CRYZL1: variants seen among roughly 807,000 people sequenced by gnomAD.
The protein encoded by CRYZL1 is crystallin zeta like 1, also known as ferry endosomal RAB5 effector complex subunit 4.
A neutral mutation model predicts 50.6 loss-of-function variants in CRYZL1; 34 were observed. The ratio of observed to expected loss-of-function variants is 0.67; its 90% CI spans 0.51 to 0.89. CRYZL1 has a LOEUF of 0.89. Ranked by LOEUF, CRYZL1 falls within the 40% of genes least tolerant of loss-of-function variation. The pLI, the probability that CRYZL1 is intolerant of heterozygous loss-of-function variation, is 0.00. For synonymous variants in CRYZL1, 125 were observed against 134.3 expected, an observed-to-expected ratio of 0.93 and a Z score of 0.48; for missense variants, 354 against 402.3, an observed-to-expected ratio of 0.88 and a Z score of 1.03.
chr21:33,630,583 C>T (rs1027502036), intron 2 of CRYZL1, among the ~76,000 whole-genome samples: 31 of 148,194 alleles, frequency 2.1e-4, no homozygotes, highest in African/African-American at 7.0e-4. Flanking sequence ...GAGACTCTGT[C>T]GCAATTAAAA....
chr21:33,591,598 C>T (rs147907626), intron 11 of CRYZL1: 166 of 202,876 alleles, frequency 8.2e-4, no homozygotes, highest in Middle Eastern at 4.0e-3. Context: ...GATGTACATT[C>T]GTTGACCAGG....
Position 33,605,565 on chromosome 21 carries a change from A to G in CRYZL1, c.332-2028T>C, listed in dbSNP as rs530969229. 5.5e-3 allele frequency among the ~76,000 whole-genome samples: 274 copies of G among 49,630 alleles called. 1 individual carries two copies. The highest frequency in any genetic ancestry group is 0.024 in the African/African-American group (267 of 11,054). 32.6% of individuals were successfully genotyped at this position (49,630 alleles called of 152,430 possible). On this transcript the variant is annotated intron_variant, in intron 6 of 12. Transcript: ENST00000381554. Reference sequence around the variant, plus strand: ...TGAGATGGAGTCTCACTCTGTCGCCAGGCTGGAGTGCAGTGGTGTGATCTT... The same window carrying G: ...TGAGATGGAGTCTCACTCTGTCGCCGGGCTGGAGTGCAGTGGTGTGATCTT...
At chr21:33,621,238 A>G (rs1485681887) in intron 4 of CRYZL1, among the ~76,000 whole-genome samples, 2 of 150,828 alleles carry the variant, frequency 1.3e-5, no homozygotes, top group African/African-American at 4.9e-5. Context: ...CCTGGGCCAT[A>G]CTGGAAGAGA....
chr21:33,628,043 C>A (rs2087090041), intron 2 of CRYZL1, among the ~76,000 whole-genome samples: 1 of 152,160 alleles, frequency 6.6e-6, no homozygotes, highest in Admixed American at 6.5e-5. Context: ...CCGCACCTGG[C>A]CGAGACAAGG....
intron 11 of CRYZL1, chr21:33,595,505 A>G: frequency 7.8e-7 from 1 of 1,286,158 alleles, no homozygotes; most frequent in South Asian, 1.3e-5. Context: ...CTGTATCAAC[A>G]TCTCTGTGCT....
At chr21:33,596,498 C>T (rs1443934376) in intron 10 of CRYZL1, among the ~76,000 whole-genome samples, 1 of 151,858 alleles carries the variant, frequency 6.6e-6, no homozygotes, top group Non-Finnish European at 1.5e-5. Flanking sequence ...ATTAACTGGG[C>T]GTGGTGGCGG....
intron 2 of CRYZL1, among the ~76,000 whole-genome samples, chr21:33,625,485 T>C: frequency 6.6e-6 from 1 of 151,640 alleles, no homozygotes; most frequent in East Asian, 1.9e-4. Context: ...ATTTCCTTTT[T>C]TTGTTGGTTT....
At chr21:33,613,474 T>C (rs2086894411) in intron 6 of CRYZL1, 64 bp downstream of exon 6, 1 of 1,070,108 alleles carries the variant, frequency 9.3e-7, no homozygotes, top group East Asian at 2.4e-5. Context: ...ATTAAAATGT[T>C]ATTAAACCAT....
chr21:33,605,426 C>T (rs1400373280), intron 6 of CRYZL1, among the ~76,000 whole-genome samples: 2 of 151,972 alleles, frequency 1.3e-5, no homozygotes, highest in Non-Finnish European at 2.9e-5. Flanking sequence ...TAAAAAGTTC[C>T]GCATGATCTG....
intron 8 of CRYZL1, among the ~76,000 whole-genome samples, chr21:33,600,387 T>C (rs1417045441): frequency 6.6e-6 from 1 of 152,180 alleles, no homozygotes; most frequent in Non-Finnish European, 1.5e-5. Context: ...TCTCAGAATT[T>C]TGAACTGGCA....
Position 33,589,897 on chromosome 21 carries a change from T to C in CRYZL1, c.975A>G (p.Pro325=). ...VFRPQLDEPI[P]LYEAKVSMEA... Reference sequence around the variant, plus strand: ...CCATGGAAACTTTTGCCTCATACAGTGGAATGGGTTCATCCAACTGAGGTC... The same window carrying C: ...CCATGGAAACTTTTGCCTCATACAGCGGAATGGGTTCATCCAACTGAGGTC... Residue 325 remains proline, a synonymous_variant, in exon 13 of 13, where the codon CCA becomes CCG. Transcript: ENST00000381554. 3 of 1,606,738 alleles carry C rather than the reference T, an allele frequency of 1.9e-6. No individual in the cohort carries two copies. The highest frequency in any genetic ancestry group is 3.4e-5 in the Admixed American group (2 of 58,482).
rs138229383 is a variant in CRYZL1 at position 33,602,270 on chromosome 21, C to T, written c.541G>A (p.Asp181Asn). 4.3e-6 allele frequency: 7 copies of T among 1,611,362 alleles called. No individual in the cohort carries two copies. The highest frequency in any genetic ancestry group is 1.3e-5 in the African/African-American group (1 of 74,882). Residue 181 changes from aspartate to asparagine, a missense_variant, in exon 8 of 13, where the codon GAT (aspartate) becomes AAT (asparagine). Coordinates refer to ENST00000381554, the MANE Select transcript of CRYZL1 (RefSeq NM_145858.3). Reference protein sequence around the residue: ...KVISTACSLEDKQCLERFRPP... With the variant: ...KVISTACSLENKQCLERFRPP... ...CTGAATCTTTCAAGGCACTGCTTAT[C>T]TTCAAGGCTGCATGCTGTTGAAATC...
chr21:33,601,873 G>T (rs933366132), intron 8 of CRYZL1, among the ~76,000 whole-genome samples: 24 of 149,058 alleles, frequency 1.6e-4, no homozygotes, highest in African/African-American at 6.0e-4. Flanking sequence ...AGCCACGATT[G>T]TGCCATTGTA....
At chr21:33,603,267 CA>C (rs1246518431) in intron 7 of CRYZL1, 136 bp downstream of exon 7, 1 of 1,030,264 alleles carries the variant, frequency 9.7e-7, no homozygotes, top group Non-Finnish European at 1.4e-6. Context: ...CTTATTATAA[CA>C]AAATAGGACA....
chr21:33,628,899 T>C (rs2087102284), intron 2 of CRYZL1, among the ~76,000 whole-genome samples: 1 of 151,868 alleles, frequency 6.6e-6, no homozygotes, highest in Non-Finnish European at 1.5e-5. Context: ...ACCTGGCCTT[T>C]TAATTTCTTT....
At chr21:33,595,706 CTCAA>C (rs777958889) in intron 11 of CRYZL1, 21 bp downstream of exon 11, 20 of 1,611,796 alleles carry the variant, frequency 1.2e-5, no homozygotes, top group Admixed American at 1.7e-5. Context: ...AAGCCAGAAA[CTCAA>C]TCAGTCGATA....
rs55867571 is a variant in CRYZL1 at position 33,618,232 on chromosome 21, T to C, written c.218-1482A>G. ...TGAACCTGGGAGGCGGAGCTTGCAG[T>C]GAGCCAAGACTGCGCCACTGCACTC... is the stretch of plus-strand genomic sequence containing the variant. On this transcript the variant is annotated intron_variant, in intron 4 of 12. Coordinates refer to ENST00000381554, the MANE Select transcript of CRYZL1 (RefSeq NM_145858.3). 7.8e-3 allele frequency among the ~76,000 whole-genome samples: 1,051 copies of C among 134,698 alleles called. 9 individuals carry two copies. The highest frequency in any genetic ancestry group is 9.9e-3 in the Non-Finnish European group (657 of 66,180). 88.4% of individuals were successfully genotyped at this position (134,698 alleles called of 152,430 possible).
At chr21:33,607,280 G>C (rs1485471767) in intron 6 of CRYZL1, among the ~76,000 whole-genome samples, 1 of 152,178 alleles carries the variant, frequency 6.6e-6, no homozygotes, top group African/African-American at 2.4e-5. Context: ...TTGAAACATA[G>C]CTCTTTGGTT....
chr21:33,615,152 CTCTTT>C lies in CRYZL1; in HGVS notation c.262+1549_263-1547del, dbSNP rs1213689376. Among the ~76,000 whole-genome samples, 318 of 120,882 alleles carry C rather than the reference CTCTTT, an allele frequency of 2.6e-3. 1 individual carries two copies. Among genetic ancestry groups the C allele is most frequent in the African/African-American group, 8.5e-3 (281 of 33,206 alleles). 79.3% of individuals were successfully genotyped at this position (120,882 alleles called of 152,430 possible). ...AATATTTTTTCTTTCTTTTCTTTCT[CTCTTT>C]TTTTTTTTTTTTTTTGGACAAGGTC... On this transcript the variant is annotated intron_variant, in intron 5 of 12. Transcript: ENST00000381554.
Sources: gnomAD v4.1 joint callset for allele counts (sites outside exome capture counted in the v4.1 genomes callset) on GRCh38, gnomAD v4.1.1 for gene constraint, MANE v1.5 for transcripts, NCBI Gene and HGNC (gene_info 2026-07-23, HGNC 2026-07-21) for gene names.